MYO16: variants seen among roughly 807,000 people sequenced by gnomAD.
The protein encoded by MYO16 is unconventional myosin-XVI.
In MYO16, 94 loss-of-function variants were observed where a neutral mutation model predicts 205.3. That is an observed-to-expected ratio of 0.46 (90% CI 0.39 to 0.54). MYO16 has a LOEUF of 0.54. MYO16 is among the 20% of genes least tolerant of loss of function. The pLI, the probability that MYO16 is intolerant of heterozygous loss-of-function variation, is 0.00. For missense variants in MYO16, 2,315 were observed against 2,387.5 expected (o/e 0.97, Z 0.63); for synonymous variants, 988 against 954.0 (o/e 1.04, Z -0.66).
rs921852735 is a variant in MYO16, at chr13:108,866,065, A to AT, written c.1360-106dup. 6 of 669,130 alleles carry AT rather than the reference A, an allele frequency of 9.0e-6. No homozygotes were observed. The South Asian group carries it at 2.8e-4, about 31-fold the overall frequency. 41.4% of individuals were successfully genotyped at this position (669,130 alleles called of 1,614,324 possible). On this transcript the variant is annotated intron_variant, in intron 11 of 34. Coordinates refer to ENST00000457511, the MANE Select transcript of MYO16 (RefSeq NM_001198950.3). Reference sequence around the variant, plus strand: ...AAAAAATAGCAAAATACTAAAGTAGATTTTTTCTTATTATTTATATTTCAT... The same window carrying AT: ...AAAAAATAGCAAAATACTAAAGTAGATTTTTTTCTTATTATTTATATTTCAT...
At chr13:108,671,415 G>T (rs546006041) in intron 2 of MYO16, among the ~76,000 whole-genome samples, 1 of 152,008 alleles carries the variant, frequency 6.6e-6, no homozygotes. Context: ...TGAAGATATC[G>T]GAGGGAAATA....
Position 109,127,587 on chromosome 13 carries a change from G to C in MYO16, c.4051+37G>C. ...GGAGGGACCCAGCCTCGTGTTCCGG[G>C]CTCGCGCATGCTCTGACTTCGCCTT... On this transcript the variant is annotated intron_variant, in intron 31 of 34. Coordinates refer to ENST00000457511, the MANE Select transcript of MYO16 (RefSeq NM_001198950.3). This position sits in a 1 kb window ranked among gnomAD's most constrained non-coding sequence, Gnocchi z 4.2. 6.3e-7 allele frequency: 1 copy of C among 1,591,262 alleles called. No homozygotes were observed. The highest frequency in any genetic ancestry group is 1.3e-5 in the African/African-American group (1 of 74,760).
At chr13:108,625,882 A>G (rs375243596), upstream of MYO16, among the ~76,000 whole-genome samples, 2 of 152,344 alleles carry the variant, frequency 1.3e-5, no homozygotes, top group South Asian at 4.1e-4. Flanking sequence ...AGGCACTATT[A>G]GATTAGGAAT....
At chr13:108,701,442 T>C (rs760438646) in intron 2 of MYO16, among the ~76,000 whole-genome samples, 8 of 152,092 alleles carry the variant, frequency 5.3e-5, no homozygotes, top group Non-Finnish European at 1.0e-4. Flanking sequence ...ATAAGTTTGG[T>C]CCCTTTTGCC....
At chr13:108,837,885 A>G (rs753179083) in intron 9 of MYO16, among the ~76,000 whole-genome samples, 20 of 152,180 alleles carry the variant, frequency 1.3e-4, no homozygotes, top group Admixed American at 7.2e-4. Flanking sequence ...TGTACTTCAT[A>G]AACTATCTTC....
At chr13:108,835,528 G>C (rs544069011) in intron 9 of MYO16, among the ~76,000 whole-genome samples, 2 of 152,148 alleles carry the variant, frequency 1.3e-5, no homozygotes, top group Non-Finnish European at 2.9e-5. Flanking sequence ...ATTCCCAAAA[G>C]TGTGTAAGCA....
chr13:108,733,148 G>C (rs1884578332), intron 4 of MYO16, among the ~76,000 whole-genome samples: 1 of 152,200 alleles, frequency 6.6e-6, no homozygotes, highest in Non-Finnish European at 1.5e-5. Context: ...GAGTGTGTGT[G>C]TAGAGGGGGC....
At chr13:108,858,028 C>G (rs1225802429) in intron 11 of MYO16, among the ~76,000 whole-genome samples, 3 of 152,178 alleles carry the variant, frequency 2.0e-5, no homozygotes, top group African/African-American at 7.2e-5. Context: ...ATTATGGTGT[C>G]TGAAATCCCC....
chr13:109,002,165 T>TA (rs1254339174), intron 21 of MYO16, among the ~76,000 whole-genome samples: 2 of 152,174 alleles, frequency 1.3e-5, no homozygotes, highest in Non-Finnish European at 2.9e-5. Flanking sequence ...TAGCCTTTCT[T>TA]AAAAAACTCC....
chr13:108,673,536 A>G (rs577260808), intron 2 of MYO16, among the ~76,000 whole-genome samples: 1 of 152,216 alleles, frequency 6.6e-6, no homozygotes, highest in South Asian at 2.1e-4. Context: ...TAAGTAATCT[A>G]TTAGGAAAAT....
At chr13:109,196,039 T>C (rs1476856008) in intron 34 of MYO16, among the ~76,000 whole-genome samples, 1 of 152,214 alleles carries the variant, frequency 6.6e-6, no homozygotes, top group Non-Finnish European at 1.5e-5. Context: ...TTTAGTGTTT[T>C]GTAATGCCTG....
intron 25 of MYO16, among the ~76,000 whole-genome samples, chr13:109,053,412 C>T (rs533503224): frequency 6.6e-6 from 1 of 151,968 alleles, no homozygotes; most frequent in African/African-American, 2.4e-5. Context: ...GAATTAGTCT[C>T]TGCCACATAG....
chr13:108,625,395 C>T (rs1031917930), upstream of MYO16, among the ~76,000 whole-genome samples: 21 of 152,092 alleles, frequency 1.4e-4, no homozygotes, highest in Non-Finnish European at 2.9e-4. Flanking sequence ...AGGGGTTGAC[C>T]AGAGGCTGAT....
chr13:109,104,545 G>A lies in MYO16; in HGVS notation c.3438+3658G>A, dbSNP rs142067334. 2.1e-3 allele frequency among the ~76,000 whole-genome samples: 327 copies of A among 152,254 alleles called. 2 individuals carry two copies. The highest frequency in any genetic ancestry group is 6.4e-3 in the African/African-American group (265 of 41,546). On this transcript the variant is annotated intron_variant, in intron 28 of 34. Coordinates refer to ENST00000457511, the MANE Select transcript of MYO16 (RefSeq NM_001198950.3). Reference sequence around the variant, plus strand: ...AGGAAAAGGAGGAGTAAGGAAAGGAGACGATAGAGAAGGAGAAGAACTGGA... The same window carrying A: ...AGGAAAAGGAGGAGTAAGGAAAGGAAACGATAGAGAAGGAGAAGAACTGGA...
chr13:108,770,999 C>T (rs10492415), intron 4 of MYO16, among the ~76,000 whole-genome samples: 12,064 of 152,212 alleles, frequency 0.079, 616 homozygotes, highest in Non-Finnish European at 0.12. Flanking sequence ...CCTCTAGTAT[C>T]ACAATGCAAT....
intron 4 of MYO16, among the ~76,000 whole-genome samples, chr13:108,761,396 G>A (rs1885604298): frequency 6.6e-6 from 1 of 152,186 alleles, no homozygotes; most frequent in Non-Finnish European, 1.5e-5. Flanking sequence ...TTACAAAGAT[G>A]GTGTGCCATA....
intron 4 of MYO16, among the ~76,000 whole-genome samples, chr13:108,741,585 G>A (rs1566581509): frequency 6.6e-6 from 1 of 152,118 alleles, no homozygotes; most frequent in African/African-American, 2.4e-5. Context: ...AACCCTGGTT[G>A]AATAAAATTT....
chr13:108,846,253 A>C (rs1192105641), intron 10 of MYO16, among the ~76,000 whole-genome samples: 1 of 152,132 alleles, frequency 6.6e-6, no homozygotes, highest in Non-Finnish European at 1.5e-5. Context: ...TTTTGTTTTC[A>C]TTACAGATAT....
At chr13:108,846,485 T>A (rs1294585695) in intron 10 of MYO16, among the ~76,000 whole-genome samples, 1 of 148,086 alleles carries the variant, frequency 6.8e-6, no homozygotes, top group African/African-American at 2.5e-5. Context: ...CATACATATA[T>A]ATACACACAC....
Sources: gnomAD v4.1 joint callset for allele counts (sites outside exome capture counted in the v4.1 genomes callset) on GRCh38, gnomAD v4.1.1 for gene constraint, Gnocchi (gnomAD v3.1) non-coding constraint, MANE v1.5 for transcripts, NCBI Gene and HGNC (gene_info 2026-07-23, HGNC 2026-07-21) for gene names.